The following PCDHA10 variants were observed in gnomAD, a reference collection of about 807,000 sequenced individuals.
PCDHA10 encodes the protein protocadherin alpha-10.
Under a neutral mutation model 61.2 loss-of-function variants are expected in PCDHA10, and 45 were observed. The ratio of observed to expected loss-of-function variants is 0.74; its 90% confidence interval spans 0.58 to 0.94. The LOEUF (loss-of-function observed/expected upper bound fraction) is 0.94, where lower values mean the gene tolerates loss of function less well. Ranked by LOEUF, PCDHA10 falls within the 40% of genes least tolerant of loss-of-function variation. The probability of loss-of-function intolerance (pLI) is 0.00; values close to 1 mark genes in which losing one functional copy is unlikely to be tolerated. For synonymous variants in PCDHA10, 602 were observed against 548.8 expected (o/e 1.10, Z -1.35); for missense variants, 1,278 against 1,236.2 (o/e 1.03, Z -0.51).
rs147219331 is a variant in PCDHA10, at chr5:140,927,900, T to C, written c.2389-51049T>C. On this transcript the variant is annotated intron_variant, in intron 1 of 3. Transcript: ENST00000307360. Reference sequence around the variant, plus strand: ...TGGAGGTGACTGACGTGAACGATCATGCCCCCGAACTGGACTTCCTGACTC... The same window carrying C: ...TGGAGGTGACTGACGTGAACGATCACGCCCCCGAACTGGACTTCCTGACTC... 2,142 of 1,614,232 alleles carry C rather than the reference T, an allele frequency of 1.3e-3. 2 individuals are homozygous for C. The highest frequency in any genetic ancestry group is 1.7e-3 in the Non-Finnish European group (2,053 of 1,180,040).
At chr5:140,970,331 T>C (rs1442466340) in intron 1 of PCDHA10, among the ~76,000 whole-genome samples, 1 of 152,210 alleles carries the variant, frequency 6.6e-6, no homozygotes, top group African/African-American at 2.4e-5. Context: ...TTCCAAAGCA[T>C]GCATTCATTT....
At chr5:140,957,191 T>C (rs1302296413) in intron 1 of PCDHA10, among the ~76,000 whole-genome samples, 1 of 152,150 alleles carries the variant, frequency 6.6e-6, no homozygotes, top group Non-Finnish European at 1.5e-5. Flanking sequence ...TGATGACCGA[T>C]TGGGAATATA....
Position 140,868,506 on chromosome 5 carries a change from A to T in PCDHA10, c.2388+10070A>T, listed in dbSNP as rs1250178704. 3 of 152,422 alleles carry T rather than the reference A, an allele frequency of 2.0e-5. No individual in the cohort carries two copies. The East Asian group carries it at 5.8e-4, about 29-fold the overall frequency. 9.4% of individuals were successfully genotyped at this position (152,422 alleles called of 1,614,324 possible). On this transcript the variant is annotated intron_variant, in intron 1 of 3. Transcript: ENST00000307360. ...TTTTCTTTGAGTTCCCTAGCAGCCA[A>T]AGTAACAAGGGAGACTGAAAGTAAA... is the stretch of plus-strand genomic sequence containing the variant.
intron 1 of PCDHA10, chr5:140,928,068 C>G: frequency 1.2e-6 from 2 of 1,614,214 alleles, no homozygotes; most frequent in South Asian, 2.2e-5. Context: ...CTTCCTTTGA[C>G]AACTACTACA....
intron 1 of PCDHA10, chr5:140,862,228 T>C (rs1247109904): frequency 9.6e-6 from 2 of 209,024 alleles, no homozygotes; most frequent in Non-Finnish European, 1.9e-5. Flanking sequence ...ATAGAAGTCT[T>C]GGACATCAAT....
chr5:140,970,248 A>G (rs1385121881), intron 1 of PCDHA10, among the ~76,000 whole-genome samples: 1 of 152,142 alleles, frequency 6.6e-6, no homozygotes, highest in Non-Finnish European at 1.5e-5. Context: ...TTCTGTTGAC[A>G]GTTTCTATGG....
At chr5:140,915,626 GTCTCTCTCTC>G (rs57920489) in intron 1 of PCDHA10, among the ~76,000 whole-genome samples, 5 of 146,436 alleles carry the variant, frequency 3.4e-5, no homozygotes, top group Admixed American at 2.0e-4. Context: ...GTCTCTTTCT[GTCTCTCTCTC>G]TCTCTCTCTC....
At chr5:140,920,249 G>A (rs782292641) in intron 1 of PCDHA10, among the ~76,000 whole-genome samples, 15 of 152,174 alleles carry the variant, frequency 9.9e-5, no homozygotes, top group Admixed American at 3.3e-4. Context: ...ACAATACATC[G>A]CTATAATAAT....
chr5:140,949,656 GT>G (rs782242887), intron 1 of PCDHA10, among the ~76,000 whole-genome samples: 5 of 151,274 alleles, frequency 3.3e-5, no homozygotes, highest in Non-Finnish European at 7.4e-5. Context: ...TTTTACTTTT[GT>G]TTCTTTAAAG....
At chr5:140,975,486 A>G (rs1260336572) in intron 1 of PCDHA10, among the ~76,000 whole-genome samples, 4 of 152,228 alleles carry the variant, frequency 2.6e-5, no homozygotes, top group African/African-American at 4.8e-5. Flanking sequence ...GTTTATATCA[A>G]TGTTCATAAA....
At chr5:140,914,944 C>CTTTT (rs35695909) in intron 1 of PCDHA10, among the ~76,000 whole-genome samples, 1 of 128,266 alleles carries the variant, frequency 7.8e-6, no homozygotes, top group South Asian at 2.5e-4. Context: ...GAAAAGTTGT[C>CTTTT]TTTTTTTTTT....
At chr5:140,949,670 T>G (rs1218670800) in intron 1 of PCDHA10, among the ~76,000 whole-genome samples, 2 of 151,862 alleles carry the variant, frequency 1.3e-5, no homozygotes, top group African/African-American at 4.8e-5. Flanking sequence ...CTTTAAAGTA[T>G]GCCCTTGTTG....
chr5:140,960,293 T>C (rs990761387), intron 1 of PCDHA10, among the ~76,000 whole-genome samples: 5 of 152,174 alleles, frequency 3.3e-5, no homozygotes, highest in Non-Finnish European at 7.3e-5. Flanking sequence ...ACCCAGTTTC[T>C]TCATCAATAC....
intron 1 of PCDHA10, among the ~76,000 whole-genome samples, chr5:140,900,358 A>C (rs2067968295): frequency 6.6e-6 from 1 of 151,358 alleles, no homozygotes. Flanking sequence ...GCTCACCGCA[A>C]CCTCTGCCTC....
chr5:140,882,490 T>C, intron 1 of PCDHA10: 1 of 1,614,024 alleles, frequency 6.2e-7, no homozygotes, highest in Non-Finnish European at 8.5e-7. Context: ...ACGGGGACCT[T>C]CTGGAGGTAA....
chr5:140,993,850 G>A (rs1187946683), intron 3 of PCDHA10, among the ~76,000 whole-genome samples: 2 of 152,144 alleles, frequency 1.3e-5, no homozygotes, highest in African/African-American at 4.8e-5. Context: ...TATGTAGTAG[G>A]CTATGCCATC....
intron 1 of PCDHA10, among the ~76,000 whole-genome samples, chr5:140,905,327 TG>T (rs2071747762): frequency 6.6e-6 from 1 of 152,202 alleles, no homozygotes; most frequent in Non-Finnish European, 1.5e-5. Context: ...TATGCTTTGT[TG>T]AAGATCAGTT....
At chr5:140,871,593 A>G in intron 1 of PCDHA10, 3 of 1,458,668 alleles carry the variant, frequency 2.1e-6, no homozygotes, top group South Asian at 1.5e-5. Context: ...TTTTATGAAT[A>G]ACCAGTGTTT....
At chr5:140,870,990 G>C in intron 1 of PCDHA10, 6 of 1,613,518 alleles carry the variant, frequency 3.7e-6, no homozygotes, top group Non-Finnish European at 5.1e-6. Flanking sequence ...ACACGGGCGA[G>C]ATAAGCACAA....
Sources: gnomAD v4.1 joint callset for allele counts (sites outside exome capture counted in the v4.1 genomes callset) on GRCh38, gnomAD v4.1.1 for gene constraint, MANE v1.5 for transcripts, NCBI Gene and HGNC (gene_info 2026-07-23, HGNC 2026-07-21) for gene names.